PMAIP1: variants seen among roughly 807,000 people sequenced by gnomAD.
The protein encoded by PMAIP1 is phorbol-12-myristate-13-acetate-induced protein 1.
In PMAIP1, 3 loss-of-function variants were observed where a neutral mutation model predicts 3.7. That is an observed-to-expected ratio of 0.82 (90% CI 0.37 to 2.12). The LOEUF is 2.12. Among genes scored for constraint, PMAIP1 ranks in the 30% most tolerant of loss-of-function variants. The pLI, the probability that PMAIP1 is intolerant of heterozygous loss-of-function variation, is 0.06. For missense variants in PMAIP1, 77 were observed against 67.1 expected, an observed-to-expected ratio of 1.15 and a Z score of -0.52; for synonymous variants, 29 against 26.2, an observed-to-expected ratio of 1.11 and a Z score of -0.32.
chr18:59,902,246 A>G (rs2055776528), intron 1 of PMAIP1, among the ~76,000 whole-genome samples: 1 of 152,242 alleles, frequency 6.6e-6, no homozygotes, highest in Non-Finnish European at 1.5e-5. Flanking sequence ...AAAAGATGAC[A>G]TCATCTAAGG....
rs1177727104 is a variant in PMAIP1, at chr18:59,902,895, G to A, written c.*142G>A. Reference sequence around the variant, plus strand: ...ATGGGTGCCCTTGGAAACGGAAGATGGAATACATCAAAGTGAATTTCTGTT... The same window carrying A: ...ATGGGTGCCCTTGGAAACGGAAGATAGAATACATCAAAGTGAATTTCTGTT... On this transcript the variant is annotated 3_prime_UTR_variant, in exon 2 of 2. Coordinates refer to ENST00000316660, the MANE Select transcript of PMAIP1 (RefSeq NM_021127.3). The A allele has an allele frequency of 7.5e-6, 10 of 1,325,422 alleles. No homozygotes were observed. The highest frequency in any genetic ancestry group is 1.1e-5 in the Non-Finnish European group (10 of 941,944). 82.1% of individuals were successfully genotyped at this position (1,325,422 alleles called of 1,614,324 possible).
chr18:59,900,119 C>G lies in PMAIP1; in HGVS notation c.-59C>G. On this transcript the variant is annotated 5_prime_UTR_variant, in exon 1 of 2. Transcript: ENST00000316660. Reference sequence around the variant, plus strand: ...GCGTCCTGCAGCTGTCCGAGGTGCTCCAGTTGGAGGCTGAGGTTCCCGGGC... The same window carrying G: ...GCGTCCTGCAGCTGTCCGAGGTGCTGCAGTTGGAGGCTGAGGTTCCCGGGC... 4.0e-6 allele frequency: 6 copies of G among 1,518,954 alleles called. No individual in the cohort carries two copies. Among genetic ancestry groups the G allele is most frequent in the Non-Finnish European group, 5.3e-6 (6 of 1,129,216 alleles). 94.1% of individuals were successfully genotyped at this position (1,518,954 alleles called of 1,614,324 possible). A position where few individuals can be genotyped will look rare whatever the true frequency, so the allele number is the denominator to read the frequency against.
At position 59,902,934 on chromosome 18, in the gene PMAIP1, A is replaced by T. The variant is rs1286511094; in HGVS notation, c.*181A>T. The T allele has an allele frequency of 4.9e-6, 5 of 1,012,998 alleles. No individual in the cohort carries two copies. In the African/African-American group the frequency reaches 8.1e-5, roughly 16 times the overall value. 62.8% of individuals were successfully genotyped at this position (1,012,998 alleles called of 1,614,324 possible). A position where few individuals can be genotyped will look rare whatever the true frequency, so the allele number is the denominator to read the frequency against. On this transcript the variant is annotated 3_prime_UTR_variant, in exon 2 of 2. Transcript: ENST00000316660. The stretch of plus-strand genomic sequence containing the variant: ...TGAATTTCTGTTCAAGTTTTCCCAG[A>T]TTATCATTCTTTGGGATGAGAGAAC...
Position 59,902,817 on chromosome 18 carries a change from A to G in PMAIP1, c.*64A>G. On this transcript the variant is annotated 3_prime_UTR_variant, in exon 2 of 2. Transcript: ENST00000316660. Reference sequence around the variant, plus strand: ...AGTTTTCTCAGGAGGTGCACGTTTCATCAATTTGAAGAAAGACTGCATTGT... The same window carrying G: ...AGTTTTCTCAGGAGGTGCACGTTTCGTCAATTTGAAGAAAGACTGCATTGT... The G allele has an allele frequency of 6.2e-7, 1 of 1,611,470 alleles. No individual in the cohort carries two copies. Among genetic ancestry groups the G allele is most frequent in the South Asian group, 1.1e-5 (1 of 90,808 alleles).
Position 59,903,079 on chromosome 18 carries a change from T to C in PMAIP1, c.*326T>C. 5 of 567,940 alleles carry C rather than the reference T, an allele frequency of 8.8e-6. No homozygotes were observed. The highest frequency in any genetic ancestry group is 5.9e-5 in the East Asian group (2 of 33,816). The allele number at this position is 567,940 out of a possible 1,614,324, so 35.2% of individuals were successfully genotyped here. A position where few individuals can be genotyped will look rare whatever the true frequency, so the allele number is the denominator to read the frequency against. On this transcript the variant is annotated 3_prime_UTR_variant, in exon 2 of 2. Transcript: ENST00000316660. ...TCGTTCTAGTGTTTTTGCCGAAGAT[T>C]ACCGCTGGCCTACTGTGAAGGGAGA... is the stretch of plus-strand genomic sequence containing the variant.
At position 59,900,101 on chromosome 18, in the gene PMAIP1, G is replaced by T. The variant is rs1298899537; in HGVS notation, c.-77G>T. 4.1e-6 allele frequency: 6 copies of T among 1,471,998 alleles called. No individual in the cohort carries two copies. Among genetic ancestry groups the T allele is most frequent in the Admixed American group, 4.0e-5 (2 of 50,394 alleles). The allele number at this position is 1,471,998 out of a possible 1,614,324, so 91.2% of individuals were successfully genotyped here. On this transcript the variant is annotated 5_prime_UTR_variant, in exon 1 of 2. Transcript: ENST00000316660. ...ACTGTTCGTGTTCAGCTCGCGTCCTGCAGCTGTCCGAGGTGCTCCAGTTGG... is the reference window on the plus strand; with the variant it reads ...ACTGTTCGTGTTCAGCTCGCGTCCTTCAGCTGTCCGAGGTGCTCCAGTTGG...
In PMAIP1 at chr18:59,900,084, T is replaced by C; in HGVS notation, c.-94T>C. 2 of 1,374,820 alleles carry C rather than the reference T, an allele frequency of 1.5e-6. 1 individual carries two copies. 85.2% of individuals were successfully genotyped at this position (1,374,820 alleles called of 1,614,324 possible). A position where few individuals can be genotyped will look rare whatever the true frequency, so the allele number is the denominator to read the frequency against. On this transcript the variant is annotated 5_prime_UTR_variant, in exon 1 of 2. Coordinates refer to ENST00000316660, the MANE Select transcript of PMAIP1 (RefSeq NM_021127.3). ...GCATCCCTGCCTGCAGGACTGTTCG[T>C]GTTCAGCTCGCGTCCTGCAGCTGTC...
chr18:59,900,516 T>C (rs1012908892), intron 1 of PMAIP1: 3 of 1,550,368 alleles, frequency 1.9e-6, no homozygotes, highest in African/African-American at 1.4e-5. Flanking sequence ...AAAAGCTCCT[T>C]TCCTCCTCTC....
chr18:59,902,278 TG>T (rs2143562687), intron 1 of PMAIP1, among the ~76,000 whole-genome samples: 1 of 152,366 alleles, frequency 6.6e-6, no homozygotes, highest in South Asian at 2.1e-4. Context: ...TGCTACTCTT[TG>T]TAGCATTGCT....
At chr18:59,900,491 G>T in intron 1 of PMAIP1, 1 of 1,550,426 alleles carries the variant, frequency 6.4e-7, no homozygotes. Context: ...ATGCAGCTGC[G>T]TTTCACCAGG....
At position 59,900,239 on chromosome 18, in the gene PMAIP1, C is replaced by T; in HGVS notation, c.58+4C>T. ...AGCCCCGCGCGGGCTCCAGCAGGTACCGACCCGCTGGGGCCAGCGAAGACC... is the reference window on the plus strand; with the variant it reads ...AGCCCCGCGCGGGCTCCAGCAGGTATCGACCCGCTGGGGCCAGCGAAGACC... On this transcript the variant is annotated splice_donor_region_variant and intron_variant, in intron 1 of 1. Coordinates refer to ENST00000316660, the MANE Select transcript of PMAIP1 (RefSeq NM_021127.3). The T allele has an allele frequency of 6.5e-7, 1 of 1,546,420 alleles. No individual in the cohort carries two copies. Among genetic ancestry groups the T allele is most frequent in the Non-Finnish European group, 8.7e-7 (1 of 1,147,634 alleles).
rs2143565694 is a variant in PMAIP1, at chr18:59,903,465, A to G, written c.*712A>G. 1.3e-5 allele frequency: 2 copies of G among 152,502 alleles called. No individual in the cohort carries two copies. Among genetic ancestry groups the G allele is most frequent in the Middle Eastern group, 3.4e-3 (1 of 296 alleles). 9.4% of individuals were successfully genotyped at this position (152,502 alleles called of 1,614,324 possible). ...AAGTATAGGAGGGTTACTTGGGGCCAGTAAATCAGTAGACTGAACATTCAA... is the reference window on the plus strand; with the variant it reads ...AAGTATAGGAGGGTTACTTGGGGCCGGTAAATCAGTAGACTGAACATTCAA... On this transcript the variant is annotated 3_prime_UTR_variant, in exon 2 of 2. Coordinates refer to ENST00000316660, the MANE Select transcript of PMAIP1 (RefSeq NM_021127.3).
chr18:59,902,480 AGT>A (rs139098046), intron 1 of PMAIP1, among the ~76,000 whole-genome samples, 165 bp from the exon 2 acceptor site: 2 of 152,004 alleles, frequency 1.3e-5, no homozygotes, highest in Admixed American at 6.6e-5. Flanking sequence ...AATGTGTGTA[AGT>A]GTGTGTGTGT....
intron 1 of PMAIP1, among the ~76,000 whole-genome samples, chr18:59,901,942 C>G (rs779318146): frequency 5.3e-5 from 8 of 152,108 alleles, no homozygotes; most frequent in Non-Finnish European, 1.0e-4. Context: ...CCTCTCATTT[C>G]CATAAAGGCA....
At position 59,900,710 on chromosome 18, in the gene PMAIP1, A is replaced by C. The variant is rs1304286841; in HGVS notation, c.58+475A>C. The C allele has an allele frequency of 1.5e-5, 13 of 870,708 alleles. No homozygotes were observed. In the African/African-American group the frequency reaches 1.7e-4, roughly 11 times the overall value. The allele number at this position is 870,708 out of a possible 1,614,324, so 53.9% of individuals were successfully genotyped here. Reference sequence around the variant, plus strand: ...GCCCCTGTGTTCAGGAGCCTAGAAAATCTTGTAACATTTAAATAATCGATA... The same window carrying C: ...GCCCCTGTGTTCAGGAGCCTAGAAACTCTTGTAACATTTAAATAATCGATA... On this transcript the variant is annotated intron_variant, in intron 1 of 1. Transcript: ENST00000316660.
Position 59,903,425 on chromosome 18 carries a change from T to A in PMAIP1, c.*672T>A, listed in dbSNP as rs1050562678. 1 of 152,968 alleles carries A rather than the reference T, an allele frequency of 6.5e-6. No individual in the cohort carries two copies. Among genetic ancestry groups the A allele is most frequent in the Non-Finnish European group, 1.5e-5 (1 of 68,396 alleles). The allele number at this position is 152,968 out of a possible 1,614,324, so 9.5% of individuals were successfully genotyped here. A position where few individuals can be genotyped will look rare whatever the true frequency, so the allele number is the denominator to read the frequency against. On this transcript the variant is annotated 3_prime_UTR_variant, in exon 2 of 2. Coordinates refer to ENST00000316660, the MANE Select transcript of PMAIP1 (RefSeq NM_021127.3). ...ACTATGGAAAACTGGAAAATAACTT[T>A]GAAAAAATTGGATAAAGTATAGGAG...
At chr18:59,900,348 G>A (rs2055752214) in intron 1 of PMAIP1, 113 bp downstream of exon 1, 5 of 1,527,134 alleles carry the variant, frequency 3.3e-6, no homozygotes, top group Middle Eastern at 3.8e-4. Context: ...GACTGCACGG[G>A]GGTCAAGGTC....
chr18:59,902,064 C>T (rs1014501558), intron 1 of PMAIP1, among the ~76,000 whole-genome samples: 1 of 152,170 alleles, frequency 6.6e-6, no homozygotes, highest in African/African-American at 2.4e-5. Context: ...TTTTATGAGT[C>T]TTTTATGAAA....
In PMAIP1 at chr18:59,903,612, T is replaced by C. The variant is rs58665242; in HGVS notation, c.*859T>C. On this transcript the variant is annotated 3_prime_UTR_variant, in exon 2 of 2. Coordinates refer to ENST00000316660, the MANE Select transcript of PMAIP1 (RefSeq NM_021127.3). ...AATATTCAGAAGTAACTTGATAAGA[T>C]ATGAATGTTTCTAAAGAAGTTTCTA... 6.6e-6 allele frequency: 1 copy of C among 152,308 alleles called. No homozygotes were observed. Among genetic ancestry groups the C allele is most frequent in the East Asian group, 1.9e-4 (1 of 5,194 alleles). 9.4% of individuals were successfully genotyped at this position (152,308 alleles called of 1,614,324 possible).
Sources: gnomAD v4.1 joint callset for allele counts (sites outside exome capture counted in the v4.1 genomes callset) on GRCh38, gnomAD v4.1.1 for gene constraint, MANE v1.5 for transcripts, NCBI Gene and HGNC (gene_info 2026-07-23, HGNC 2026-07-21) for gene names.